The following FBXL17 variants were observed in gnomAD, a reference collection of about 807,000 sequenced individuals.
FBXL17 encodes F-box/LRR-repeat protein 17.
Under a neutral mutation model 66.2 loss-of-function variants are expected in FBXL17, and 22 were observed. The observed-to-expected ratio is 0.33, with a 90% CI of 0.24 to 0.47. The LOEUF (loss-of-function observed/expected upper bound fraction) is 0.47. FBXL17 is among the 20% of genes least tolerant of loss of function. The pLI is 1.00. For missense variants in FBXL17, 878 were observed against 948.2 expected, an observed-to-expected ratio of 0.93 and a Z score of 0.97; for synonymous variants, 474 against 400.5, an observed-to-expected ratio of 1.18 and a Z score of -2.19.
chr5:108,222,852 T>G (rs1561473461), intron 5 of FBXL17, among the ~76,000 whole-genome samples: 1 of 151,800 alleles, frequency 6.6e-6, no homozygotes, highest in Non-Finnish European at 1.5e-5. Flanking sequence ...TTTTTGTCTT[T>G]TAGTAGAGAT....
intron 8 of FBXL17, among the ~76,000 whole-genome samples, chr5:107,871,748 T>TG (rs1748461965): frequency 6.8e-6 from 1 of 147,014 alleles, no homozygotes; most frequent in South Asian, 2.1e-4. Flanking sequence ...ATCAGCAATT[T>TG]GAAAAAAAAA....
chr5:108,023,148 T>C (rs1020784832), intron 6 of FBXL17, among the ~76,000 whole-genome samples: 2 of 152,078 alleles, frequency 1.3e-5, no homozygotes, highest in African/African-American at 4.8e-5. Context: ...GTAAACAAGG[T>C]TTTCCAAATA....
rs555547905 is a variant in FBXL17 at position 108,175,949 on chromosome 5, T to G, written c.1745+10168A>C. On this transcript the variant is annotated intron_variant, in intron 6 of 8. Coordinates refer to ENST00000542267, the MANE Select transcript of FBXL17 (RefSeq NM_001163315.3). Reference sequence around the variant, plus strand: ...AGATTTAATCACCTTTCTCATATTTTCACTATTTACTGGGCTTCATTTATC... The same window carrying G: ...AGATTTAATCACCTTTCTCATATTTGCACTATTTACTGGGCTTCATTTATC... 3.5e-4 allele frequency among the ~76,000 whole-genome samples: 53 copies of G among 152,356 alleles called. No homozygotes were observed. The South Asian group carries it at 0.01, about 29-fold the overall frequency.
chr5:108,188,093 G>C (rs2150034435), intron 5 of FBXL17, among the ~76,000 whole-genome samples: 1 of 152,192 alleles, frequency 6.6e-6, no homozygotes, highest in South Asian at 2.1e-4. Flanking sequence ...AACAGCTACA[G>C]TGTTGGTGGA....
intron 4 of FBXL17, among the ~76,000 whole-genome samples, chr5:108,281,889 C>G (rs1757715587): frequency 1.3e-5 from 2 of 151,606 alleles, no homozygotes; most frequent in African/African-American, 4.8e-5. Context: ...CACTTATATG[C>G]TCACAAACTA....
intron 7 of FBXL17, among the ~76,000 whole-genome samples, chr5:107,964,037 A>G (rs1752023048): frequency 6.6e-6 from 1 of 152,198 alleles, no homozygotes; most frequent in Non-Finnish European, 1.5e-5. Flanking sequence ...TTTGAGAAAT[A>G]TGAATAAAGT....
chr5:107,864,008 C>T (rs1352644671), intron 8 of FBXL17, among the ~76,000 whole-genome samples: 1 of 152,200 alleles, frequency 6.6e-6, no homozygotes, highest in Non-Finnish European at 1.5e-5. Context: ...TTAAAGATTG[C>T]CTTTTATCTT....
chr5:108,116,469 C>G (rs1405701228), intron 6 of FBXL17, among the ~76,000 whole-genome samples: 1 of 146,174 alleles, frequency 6.8e-6, no homozygotes, highest in Non-Finnish European at 1.5e-5. Flanking sequence ...GAAACCCTGT[C>G]TCTACTAAAA....
At chr5:107,966,477 G>C (rs1358344418) in intron 7 of FBXL17, among the ~76,000 whole-genome samples, 1 of 152,070 alleles carries the variant, frequency 6.6e-6, no homozygotes, top group Non-Finnish European at 1.5e-5. Flanking sequence ...GAGATCAGGA[G>C]ATCCAGTTGT....
chr5:108,301,570 G>T (rs574304571), intron 4 of FBXL17, among the ~76,000 whole-genome samples: 7 of 151,674 alleles, frequency 4.6e-5, no homozygotes, highest in Non-Finnish European at 8.9e-5. Flanking sequence ...TTAACTTCTA[G>T]GGCAGTTGTT....
chr5:108,377,232 C>A (rs1749503294), intron 1 of FBXL17, among the ~76,000 whole-genome samples: 2 of 152,304 alleles, frequency 1.3e-5, no homozygotes, highest in Middle Eastern at 6.8e-3. Flanking sequence ...TCAGGTCTCC[C>A]CTACACATGT....
At chr5:108,253,466 G>T (rs1260116503) in intron 4 of FBXL17, among the ~76,000 whole-genome samples, 1 of 151,994 alleles carries the variant, frequency 6.6e-6, no homozygotes, top group Non-Finnish European at 1.5e-5. Context: ...ATCATTTAAT[G>T]GTTCTTTCAA....
At chr5:108,138,634 A>T (rs1388064648) in intron 6 of FBXL17, among the ~76,000 whole-genome samples, 3 of 152,206 alleles carry the variant, frequency 2.0e-5, no homozygotes, top group African/African-American at 7.2e-5. Context: ...ACTTACACAT[A>T]GCCTTTATTT....
At chr5:108,194,758 C>A (rs369526815) in intron 5 of FBXL17, among the ~76,000 whole-genome samples, 1 of 152,130 alleles carries the variant, frequency 6.6e-6, no homozygotes, top group African/African-American at 2.4e-5. Flanking sequence ...CTGGCTCTAA[C>A]CTTGGCTCCA....
chr5:108,214,368 CTTT>C (rs70996986), intron 5 of FBXL17, among the ~76,000 whole-genome samples: 216 of 129,642 alleles, frequency 1.7e-3, no homozygotes, highest in East Asian at 6.5e-3. Flanking sequence ...TATTAATTGA[CTTT>C]TTTTTTTTTT....
At chr5:108,108,792 T>G (rs1009332342) in intron 6 of FBXL17, among the ~76,000 whole-genome samples, 6 of 151,042 alleles carry the variant, frequency 4.0e-5, no homozygotes, top group Non-Finnish European at 5.9e-5. Flanking sequence ...TTTTGTTTTT[T>G]TTTTTTTTGA....
intron 4 of FBXL17, among the ~76,000 whole-genome samples, chr5:108,343,971 A>C (rs192237481): frequency 6.6e-6 from 1 of 152,158 alleles, no homozygotes; most frequent in Non-Finnish European, 1.5e-5. Flanking sequence ...TTTACCTCTT[A>C]ATCTCATTTA....
chr5:107,959,484 T>A (rs1480946894), intron 7 of FBXL17, among the ~76,000 whole-genome samples: 3 of 151,880 alleles, frequency 2.0e-5, no homozygotes, highest in Non-Finnish European at 4.4e-5. Flanking sequence ...CCCACCTGCC[T>A]TCGCCTGGTT....
In FBXL17 at chr5:107,941,671, C is replaced by T. The variant is rs189702973; in HGVS notation, c.1823-60492G>A. 4.6e-5 allele frequency among the ~76,000 whole-genome samples: 7 copies of T among 152,260 alleles called. No individual in the cohort carries two copies. The East Asian group carries it at 1.2e-3, about 25-fold the overall frequency. On this transcript the variant is annotated intron_variant, in intron 7 of 8. Coordinates refer to ENST00000542267, the MANE Select transcript of FBXL17 (RefSeq NM_001163315.3). ...TTGGTGACTAAGGACGGATATAATCCTGATCCCACGTTAGAGATATAGAAA... is the reference window on the plus strand; with the variant it reads ...TTGGTGACTAAGGACGGATATAATCTTGATCCCACGTTAGAGATATAGAAA...
Sources: allele counts gnomAD v4.1 joint callset (sites outside exome capture counted in the v4.1 genomes callset), GRCh38; gene constraint gnomAD v4.1.1; transcripts MANE v1.5; gene names NCBI Gene and HGNC (gene_info 2026-07-23, HGNC 2026-07-21).